The following HECTD2 variants were observed in gnomAD, a reference collection of about 807,000 sequenced individuals.
HECTD2 encodes the protein probable E3 ubiquitin-protein ligase HECTD2.
HECTD2 carries 35 observed loss-of-function variants against 103.2 expected under a neutral mutation model. The observed-to-expected ratio is 0.34, with a 90% CI of 0.26 to 0.45. The LOEUF (loss-of-function observed/expected upper bound fraction) is 0.45. HECTD2 is among the 20% of genes least tolerant of loss of function. The pLI is 1.00. For synonymous variants in HECTD2, 281 were observed against 329.9 expected (o/e 0.85, Z 1.61); for missense variants, 596 against 937.4 (o/e 0.64, Z 4.76).
chr10:91,433,541 T>C (rs1364785610), intron 2 of HECTD2, among the ~76,000 whole-genome samples: 3 of 152,044 alleles, frequency 2.0e-5, no homozygotes, highest in Admixed American at 1.3e-4. Flanking sequence ...TTGTATTGGA[T>C]GTACATTTGT....
At chr10:91,489,344 A>G (rs1186079834) in intron 11 of HECTD2, 1 of 152,198 alleles carries the variant, frequency 6.6e-6, no homozygotes, top group Non-Finnish European at 1.5e-5. Flanking sequence ...TTAATGACTG[A>G]TGACTATTTT....
Position 91,493,501 on chromosome 10 carries a change from T to C in HECTD2, c.1514T>C (p.Val505Ala). The C allele has an allele frequency of 6.5e-7, 1 of 1,528,838 alleles. No homozygotes were observed. Among genetic ancestry groups the C allele is most frequent in the Non-Finnish European group, 8.8e-7 (1 of 1,131,236 alleles). 94.7% of individuals were successfully genotyped at this position (1,528,838 alleles called of 1,614,324 possible). A position where few individuals can be genotyped will look rare whatever the true frequency, so the allele number is the denominator to read the frequency against. ...GATAACTATTCTGAATTCCGATTGG[T>C]TGGAATTGTATCCTTTAAACTTTCC... ...KCDNYSEFRLVGILMGLAVYN... is the reference protein window; with the variant it reads ...KCDNYSEFRLAGILMGLAVYN... The change falls in exon 14 of 21, where the codon GTT (valine) becomes GCT (alanine). Residue 505 changes from valine to alanine, a missense_variant. Physicochemically the swap from Val to Ala is moderately conservative, Grantham distance 64. Coordinates refer to ENST00000298068, the MANE Select transcript of HECTD2 (RefSeq NM_182765.6).
chr10:91,462,290 T>A, intron 5 of HECTD2, 106 bp downstream of exon 5: 2 of 1,242,994 alleles, frequency 1.6e-6, no homozygotes, highest in Non-Finnish European at 2.1e-6. Flanking sequence ...TTAGAAACTC[T>A]GATACAATTT....
intron 2 of HECTD2, among the ~76,000 whole-genome samples, chr10:91,459,835 C>T (rs1426464757): frequency 1.3e-5 from 2 of 152,028 alleles, no homozygotes; most frequent in African/African-American, 4.8e-5. Context: ...CATTGTATTA[C>T]AGTTGTCTAC....
intron 2 of HECTD2, among the ~76,000 whole-genome samples, chr10:91,440,166 A>T (rs1844340711): frequency 6.6e-6 from 1 of 150,492 alleles, no homozygotes; most frequent in Non-Finnish European, 1.5e-5. Flanking sequence ...CAGTTTTAAA[A>T]GGGAATGCTT....
At chr10:91,489,520 A>G (rs1205175528) in intron 11 of HECTD2, 2 of 152,202 alleles carry the variant, frequency 1.3e-5, no homozygotes, top group East Asian at 3.9e-4. Context: ...TCCAGTAAAT[A>G]TGAATTCCTG....
chr10:91,500,427 C>T, intron 18 of HECTD2, 75 bp from the exon 19 acceptor site: 1 of 513,126 alleles, frequency 1.9e-6, no homozygotes, highest in Admixed American at 2.5e-5. Flanking sequence ...GTGATTTGAT[C>T]CAGTGAAAAT....
intron 2 of HECTD2, among the ~76,000 whole-genome samples, chr10:91,453,940 G>A (rs1197367110): frequency 6.6e-6 from 1 of 151,940 alleles, no homozygotes; most frequent in Admixed American, 6.6e-5. Context: ...GAGACAGAGG[G>A]GAACATTATA....
At chr10:91,494,026 C>T (rs942753160) in intron 14 of HECTD2, among the ~76,000 whole-genome samples, 1 of 151,802 alleles carries the variant, frequency 6.6e-6, no homozygotes, top group East Asian at 1.9e-4. Flanking sequence ...TTTATAAGTC[C>T]ATCTGCAATC....
At chr10:91,456,990 G>A (rs571419609) in intron 2 of HECTD2, among the ~76,000 whole-genome samples, 2 of 152,128 alleles carry the variant, frequency 1.3e-5, no homozygotes, top group Admixed American at 6.6e-5. Context: ...AAATGAAATA[G>A]GAGATATTAC....
intron 20 of HECTD2, among the ~76,000 whole-genome samples, chr10:91,509,779 G>C (rs999167896): frequency 1.3e-5 from 2 of 152,242 alleles, no homozygotes; most frequent in South Asian, 2.1e-4. Flanking sequence ...CTACTTGAGC[G>C]GGTAGGGTGG....
intron 1 of HECTD2, among the ~76,000 whole-genome samples, chr10:91,414,349 A>G (rs1372323027): frequency 6.6e-6 from 1 of 152,162 alleles, no homozygotes; most frequent in African/African-American, 2.4e-5. Flanking sequence ...ATTTGATGGA[A>G]AGTTTAGTAA....
In HECTD2 at chr10:91,451,514, TATA is replaced by T. The variant is rs1022657353; in HGVS notation, c.269-8905_269-8903del. On this transcript the variant is annotated intron_variant, in intron 2 of 20. Coordinates refer to ENST00000298068, the MANE Select transcript of HECTD2 (RefSeq NM_182765.6). ...TGCACATGTATTCCAGAACTTAAAG[TATA>T]ATAATAAAAAAAAAAGATACAAATT... 2.4e-4 allele frequency among the ~76,000 whole-genome samples: 37 copies of T among 151,428 alleles called. 1 individual carries two copies. Among genetic ancestry groups the T allele is most frequent in the African/African-American group, 8.2e-4 (34 of 41,340 alleles).
intron 2 of HECTD2, among the ~76,000 whole-genome samples, chr10:91,456,423 T>G (rs888627717): frequency 8.6e-4 from 131 of 152,210 alleles, no homozygotes; most frequent in African/African-American, 3.1e-3. Flanking sequence ...GCACATTGAT[T>G]TTTGTATCCT....
intron 20 of HECTD2, among the ~76,000 whole-genome samples, chr10:91,503,011 T>C (rs1458002161): frequency 2.0e-5 from 3 of 152,186 alleles, no homozygotes; most frequent in Non-Finnish European, 4.4e-5. Flanking sequence ...AAGAGGAGTT[T>C]CCATTCATCT....
At chr10:91,444,540 T>A (rs1844511364) in intron 2 of HECTD2, among the ~76,000 whole-genome samples, 1 of 152,190 alleles carries the variant, frequency 6.6e-6, no homozygotes, top group African/African-American at 2.4e-5. Context: ...TTTGCTCAGA[T>A]TAGTGAATGA....
intron 2 of HECTD2, among the ~76,000 whole-genome samples, chr10:91,444,216 T>C (rs1844493734): frequency 6.6e-6 from 1 of 152,212 alleles, no homozygotes. Context: ...CATTCAAATA[T>C]AAATTAACTT....
chr10:91,512,400 A>G lies in HECTD2; in HGVS notation c.*16A>G. The G allele has an allele frequency of 6.2e-7, 1 of 1,608,824 alleles. No individual in the cohort carries two copies. The highest frequency in any genetic ancestry group is 8.5e-7 in the Non-Finnish European group (1 of 1,175,964). ...ACTTGAGTAACCTAGAAGACTTGAA[A>G]TATAATCTTTTATATGTAGCATTCA... On this transcript the variant is annotated 3_prime_UTR_variant, in exon 21 of 21. Coordinates refer to ENST00000298068, the MANE Select transcript of HECTD2 (RefSeq NM_182765.6).
intron 14 of HECTD2, among the ~76,000 whole-genome samples, chr10:91,494,795 C>T (rs989310494): frequency 1.3e-5 from 2 of 151,976 alleles, no homozygotes; most frequent in African/African-American, 4.8e-5. Context: ...TGTCACTATA[C>T]TATGAGCTAT....
Sources: allele counts gnomAD v4.1 joint callset (sites outside exome capture counted in the v4.1 genomes callset), GRCh38; gene constraint gnomAD v4.1.1; transcripts MANE v1.5; gene names NCBI Gene and HGNC (gene_info 2026-07-23, HGNC 2026-07-21).